Variants in ESF1 observed in about 807,000 individuals in gnomAD.
ESF1 encodes the protein ESF1 nucleolar pre-rRNA processing protein.
A neutral mutation model predicts 92.0 loss-of-function variants in ESF1; 58 were observed. That is an observed-to-expected ratio of 0.63 (90% CI 0.51 to 0.78). The LOEUF (loss-of-function observed/expected upper bound fraction) is 0.78, where lower values mean the gene tolerates loss of function less well. ESF1 is among the 30% of genes least tolerant of loss of function. ESF1 has a pLI of 0.00. For synonymous variants in ESF1, 321 were observed against 313.7 expected (o/e 1.02, Z -0.24); for missense variants, 922 against 989.1 (o/e 0.93, Z 0.91).
chr20:13,767,888 G>C (rs947209934), intron 7 of ESF1, among the ~76,000 whole-genome samples: 6 of 152,116 alleles, frequency 3.9e-5, no homozygotes, highest in African/African-American at 1.4e-4. Flanking sequence ...ACTGCCACCT[G>C]TCTCAGAAAT....
chr20:13,753,760 T>A (rs1333062604), intron 9 of ESF1, among the ~76,000 whole-genome samples: 1 of 152,152 alleles, frequency 6.6e-6, no homozygotes, highest in Non-Finnish European at 1.5e-5. Context: ...ACAATCTTAC[T>A]TTCCAAGCAT....
At chr20:13,740,538 CAT>C (rs1274629237) in intron 9 of ESF1, among the ~76,000 whole-genome samples, 1 of 152,046 alleles carries the variant, frequency 6.6e-6, no homozygotes, top group Non-Finnish European at 1.5e-5. Flanking sequence ...ATGTACTACA[CAT>C]ATTAAACAGG....
intron 2 of ESF1, among the ~76,000 whole-genome samples, chr20:13,779,395 T>C (rs925160459): frequency 3.9e-5 from 6 of 152,204 alleles, no homozygotes; most frequent in African/African-American, 1.2e-4. Flanking sequence ...TATCCCTAAA[T>C]TTCTTTTCTT....
intron 11 of ESF1, among the ~76,000 whole-genome samples, chr20:13,719,349 C>T (rs1801088768): frequency 6.6e-6 from 1 of 151,954 alleles, no homozygotes; most frequent in African/African-American, 2.4e-5. Flanking sequence ...AAGTAGTATA[C>T]ACATTTAATG....
rs1287566466 is a variant in ESF1, at chr20:13,714,973, T to C, written c.2457A>G (p.Ser819=). 1 of 1,614,104 alleles carries C rather than the reference T, an allele frequency of 6.2e-7. No homozygotes were observed. Among genetic ancestry groups the C allele is most frequent in the Admixed American group, 1.7e-5 (1 of 60,020 alleles). Residue 819 remains serine, a synonymous_variant, in exon 14 of 14, where the codon TCA becomes TCG. Coordinates refer to ENST00000617257, the MANE Select transcript of ESF1 (RefSeq NM_001276380.2). Reference sequence around the variant, plus strand: ...AAGCAGGATCAATGGACTTCCTTTGTGATTCCTTTTCAATCTCACTCTCTT... The same window carrying C: ...AAGCAGGATCAATGGACTTCCTTTGCGATTCCTTTTCAATCTCACTCTCTT... ...KKKESEIEKE[S]QRKSIDPALS... is the part of the protein sequence containing the mutation.
intron 9 of ESF1, among the ~76,000 whole-genome samples, chr20:13,743,675 T>C (rs2050029848): frequency 6.6e-6 from 1 of 152,018 alleles, no homozygotes; most frequent in Non-Finnish European, 1.5e-5. Flanking sequence ...TCTAAAAAAG[T>C]CAAACTCAGA....
At chr20:13,775,089 A>C in intron 4 of ESF1, 68 bp downstream of exon 4, 1 of 1,205,598 alleles carries the variant, frequency 8.3e-7, no homozygotes, top group South Asian at 1.5e-5. Context: ...GGCCAAAAAA[A>C]AAAAAAAAAA....
At position 13,775,867 on chromosome 20, in the gene ESF1, G is replaced by A. The variant is rs1378087916; in HGVS notation, c.1035+6C>T. On this transcript the variant is annotated splice_donor_region_variant and intron_variant, in intron 3 of 13. Coordinates refer to ENST00000617257, the MANE Select transcript of ESF1 (RefSeq NM_001276380.2). ...CACAAATAATCTTGTTTATTCAAAAGGTTACCTCATCAGCACGAGGAGCAT... is the reference window on the plus strand; with the variant it reads ...CACAAATAATCTTGTTTATTCAAAAAGTTACCTCATCAGCACGAGGAGCAT... 6.3e-7 allele frequency: 1 copy of A among 1,588,912 alleles called. No homozygotes were observed. Among genetic ancestry groups the A allele is most frequent in the East Asian group, 2.2e-5 (1 of 44,772 alleles).
At chr20:13,729,111 T>C (rs2049923914) in intron 10 of ESF1, among the ~76,000 whole-genome samples, 1 of 151,882 alleles carries the variant, frequency 6.6e-6, no homozygotes, top group Non-Finnish European at 1.5e-5. Flanking sequence ...ATACAAAAGT[T>C]AGCCAGGCAT....
intron 11 of ESF1, among the ~76,000 whole-genome samples, chr20:13,726,139 GC>G (rs1425268602): frequency 6.6e-6 from 1 of 152,090 alleles, no homozygotes; most frequent in African/African-American, 2.4e-5. Flanking sequence ...TGGTCTTCCA[GC>G]CCTCACCAGT....
At chr20:13,716,037 T>C (rs942375614) in intron 13 of ESF1, among the ~76,000 whole-genome samples, 1 of 152,234 alleles carries the variant, frequency 6.6e-6, no homozygotes, top group Non-Finnish European at 1.5e-5. Context: ...TGGGAGCATA[T>C]GTGAAACTGA....
In ESF1 at chr20:13,782,729, T is replaced by A; in HGVS notation, c.412A>T (p.Lys138Ter). 6 of 1,587,586 alleles carry A rather than the reference T, an allele frequency of 3.8e-6. No homozygotes were observed. The highest frequency in any genetic ancestry group is 5.1e-6 in the Non-Finnish European group (6 of 1,172,394). ...AATTTACATGAGGTTTTCATTTTTT[T>A]AATTCCTATAGAATTATCTAAATCA... Reference protein sequence around the residue: ...KTDLDNSIGIKKMKTSCKFKI... With the variant: ...KTDLDNSIGI The change falls in exon 2 of 14, where the codon AAA (lysine) becomes TAA (stop). Residue 138 changes from lysine to a stop codon, truncating the protein, a stop_gained. Transcript: ENST00000617257. LOFTEE classifies it high-confidence loss of function.
intron 5 of ESF1, 56 bp downstream of exon 5, chr20:13,772,459 G>C: frequency 7.6e-7 from 1 of 1,312,868 alleles, no homozygotes; most frequent in Non-Finnish European, 1.1e-6. Flanking sequence ...CCAGAATTCT[G>C]AACTAATGAC....
chr20:13,783,399 T>C (rs1461250244), intron 1 of ESF1, among the ~76,000 whole-genome samples: 6 of 152,202 alleles, frequency 3.9e-5, no homozygotes, highest in African/African-American at 1.4e-4. Context: ...GACAGATCAT[T>C]TAGAGAAATA....
chr20:13,741,769 T>C (rs1001402993), intron 9 of ESF1, among the ~76,000 whole-genome samples: 3 of 152,184 alleles, frequency 2.0e-5, no homozygotes, highest in Non-Finnish European at 4.4e-5. Context: ...AAGATAAATC[T>C]GACAATATTA....
intron 2 of ESF1, among the ~76,000 whole-genome samples, chr20:13,781,531 A>G (rs1410600543): frequency 2.0e-5 from 3 of 152,128 alleles, no homozygotes; most frequent in Non-Finnish European, 4.4e-5. Context: ...GGCATTTATA[A>G]AAGGACAAGA....
intron 10 of ESF1, 62 bp from the exon 11 acceptor site, chr20:13,728,527 C>G (rs562139552): frequency 1.6e-6 from 2 of 1,234,244 alleles, no homozygotes; most frequent in African/African-American, 3.1e-5. Context: ...TAAATGTATA[C>G]CAAGAAAAAC....
chr20:13,775,180 C>A lies in ESF1; in HGVS notation c.1126G>T (p.Gly376Ter). 1 of 1,606,232 alleles carries A rather than the reference C, an allele frequency of 6.2e-7. No homozygotes were observed. The highest frequency in any genetic ancestry group is 2.2e-5 in the East Asian group (1 of 44,636). ...ACCTTGACGGAAAATATTACACCTC[C>A]TTTGGGTTTAAATGAATTGAACAGA... ...LALFNSFKPKGGVIFSVKIYP... is the reference protein window; with the variant it reads ...LALFNSFKPK Residue 376 changes from glycine to a stop codon, truncating the protein, a stop_gained, in exon 4 of 14, where the codon GGA (glycine) becomes TGA (stop). Transcript: ENST00000617257. LOFTEE classifies it high-confidence loss of function.
intron 9 of ESF1, among the ~76,000 whole-genome samples, chr20:13,746,810 C>T (rs1353097424): frequency 1.3e-5 from 2 of 152,176 alleles, no homozygotes; most frequent in Admixed American, 6.5e-5. Flanking sequence ...ACATTTATAA[C>T]AGTCACAACT....
Sources: gnomAD v4.1 joint callset for allele counts (sites outside exome capture counted in the v4.1 genomes callset) on GRCh38, gnomAD v4.1.1 for gene constraint, MANE v1.5 for transcripts, NCBI Gene and HGNC (gene_info 2026-07-23, HGNC 2026-07-21) for gene names.